DIAPH2: variants seen among roughly 807,000 people sequenced by gnomAD.
DIAPH2 encodes the protein diaphanous related formin 2, also known as protein diaphanous homolog 2.
DIAPH2 carries 35 observed loss-of-function variants against 92.7 expected under a neutral mutation model. That is an observed-to-expected ratio of 0.38 (90% CI 0.29 to 0.50). DIAPH2 has a LOEUF of 0.50. DIAPH2 is among the 20% of genes least tolerant of loss of function. The pLI is 0.94. For synonymous variants in DIAPH2, 301 were observed against 280.4 expected, an observed-to-expected ratio of 1.07 and a Z score of -0.73; for missense variants, 701 against 819.5, an observed-to-expected ratio of 0.86 and a Z score of 1.77.
intron 21 of DIAPH2, among the ~76,000 whole-genome samples, chrX:97,126,315 C>CT (rs2067094223): frequency 1.8e-5 from 2 of 111,737 alleles, no homozygotes; most frequent in Non-Finnish European, 3.8e-5. Context: ...CTAGTGAAGG[C>CT]ATTGCACAAC....
intron 24 of DIAPH2, among the ~76,000 whole-genome samples, chrX:97,360,360 T>C (rs1268015634): frequency 9.1e-6 from 1 of 109,561 alleles, no homozygotes; most frequent in Non-Finnish European, 1.9e-5. Flanking sequence ...ACGCCTGTAA[T>C]CCCAGCACTT....
At chrX:97,154,215 G>A (rs1318922110) in intron 22 of DIAPH2, among the ~76,000 whole-genome samples, 1 of 111,188 alleles carries the variant, frequency 9.0e-6, no homozygotes, top group Non-Finnish European at 1.9e-5. Context: ...TATTAAGCAT[G>A]GTTTTATAGA....
At chrX:96,763,394 C>T (rs1431503442) in intron 4 of DIAPH2, among the ~76,000 whole-genome samples, 3 of 110,821 alleles carry the variant, frequency 2.7e-5, no homozygotes, top group Non-Finnish European at 5.7e-5. Flanking sequence ...CTGTGTCAGT[C>T]TTTATGATTC....
intron 23 of DIAPH2, among the ~76,000 whole-genome samples, chrX:97,282,495 G>A (rs1449307173): frequency 9.0e-6 from 1 of 110,874 alleles, no homozygotes; most frequent in Non-Finnish European, 1.9e-5. Context: ...ATTTTTCATA[G>A]AGATGGGGTT....
chrX:97,495,347 T>A (rs930387694), intron 26 of DIAPH2, among the ~76,000 whole-genome samples: 7 of 112,288 alleles, frequency 6.2e-5, no homozygotes, highest in African/African-American at 2.3e-4. Flanking sequence ...TTTGATGATA[T>A]CAGCAAGCTA....
chrX:97,062,138 C>T (rs150331743), intron 17 of DIAPH2, among the ~76,000 whole-genome samples: 145 of 111,404 alleles, frequency 1.3e-3, no homozygotes, highest in African/African-American at 4.2e-3. Flanking sequence ...TAAAAATTAA[C>T]GGAGTGTACC....
chrX:96,718,906 A>G (rs1439215190), intron 1 of DIAPH2, among the ~76,000 whole-genome samples: 2 of 111,808 alleles, frequency 1.8e-5, no homozygotes, highest in Non-Finnish European at 3.8e-5. Flanking sequence ...CCGACAGTGT[A>G]CGAGGAATCC....
intron 21 of DIAPH2, among the ~76,000 whole-genome samples, chrX:97,137,301 A>ATATATG (rs1555989252): frequency 1.1e-5 from 1 of 93,122 alleles, no homozygotes; most frequent in African/African-American, 3.9e-5. Context: ...ATATATATAT[A>ATATATG]TGTATAGAAT....
In DIAPH2 at chrX:96,962,346, TATATAC is replaced by T. The variant is rs1477458449; in HGVS notation, c.1936-2745_1936-2740del. 5.4e-4 allele frequency among the ~76,000 whole-genome samples: 39 copies of T among 72,341 alleles called. 2 individuals carry two copies. Among genetic ancestry groups the T allele is most frequent in the African/African-American group, 2.0e-3 (37 of 18,278 alleles). 62.8% of individuals were successfully genotyped at this position (72,341 alleles called of 115,157 possible). A position where few individuals can be genotyped will look rare whatever the true frequency, so the allele number is the denominator to read the frequency against. On this transcript the variant is annotated intron_variant, in intron 16 of 26. Coordinates refer to ENST00000324765, the MANE Select transcript of DIAPH2 (RefSeq NM_006729.5). ...ATACACATATATATATACATATATA[TATATAC>T]ACATATATATATACACATATATATA...
chrX:97,376,028 C>T (rs1278328876), intron 24 of DIAPH2, among the ~76,000 whole-genome samples: 4 of 109,310 alleles, frequency 3.7e-5, no homozygotes, highest in Non-Finnish European at 7.6e-5. Context: ...TTTTCCAAAG[C>T]AATTGGACTT....
At chrX:97,106,761 G>A (rs2066944500) in intron 20 of DIAPH2, among the ~76,000 whole-genome samples, 3 of 110,273 alleles carry the variant, frequency 2.7e-5, no homozygotes, top group Admixed American at 9.7e-5. Context: ...GTGAAGCCCC[G>A]TCTCTACTAA....
chrX:97,211,390 T>A (rs1021087087), intron 22 of DIAPH2, among the ~76,000 whole-genome samples: 21 of 111,407 alleles, frequency 1.9e-4, no homozygotes, highest in Admixed American at 8.6e-4. Flanking sequence ...GTATTTGTAT[T>A]TTCCCTTTGG....
intron 21 of DIAPH2, among the ~76,000 whole-genome samples, chrX:97,125,666 C>T (rs1458106019): frequency 9.1e-6 from 1 of 109,960 alleles, no homozygotes; most frequent in East Asian, 2.8e-4. Context: ...AATACAGATA[C>T]ATTTTCAGGA....
intron 25 of DIAPH2, among the ~76,000 whole-genome samples, chrX:97,384,583 G>A (rs941470496): frequency 2.1e-4 from 24 of 111,768 alleles, no homozygotes; most frequent in African/African-American, 2.6e-4. Flanking sequence ...TAAGTTGTTT[G>A]AGGCCGGGCA....
At chrX:97,593,971 A>C (rs1450719074) in intron 26 of DIAPH2, among the ~76,000 whole-genome samples, 1 of 111,506 alleles carries the variant, frequency 9.0e-6, no homozygotes, top group African/African-American at 3.2e-5. Context: ...AGATACACAA[A>C]TTCATATACT....
intron 23 of DIAPH2, among the ~76,000 whole-genome samples, chrX:97,318,412 C>T (rs1470931628): frequency 9.3e-6 from 1 of 107,798 alleles, no homozygotes; most frequent in African/African-American, 3.4e-5. Flanking sequence ...GCTGGGATTA[C>T]AAGCGTGAGC....
chrX:97,466,042 TAG>T (rs2070509624), intron 26 of DIAPH2, among the ~76,000 whole-genome samples: 1 of 111,942 alleles, frequency 8.9e-6, no homozygotes, highest in African/African-American at 3.3e-5. Context: ...GAATTTGAGC[TAG>T]AGAAGAAATT....
At chrX:97,509,059 T>TTAC (rs2070860531) in intron 26 of DIAPH2, among the ~76,000 whole-genome samples, 4 of 51,670 alleles carry the variant, frequency 7.7e-5, no homozygotes, top group Non-Finnish European at 1.8e-4. Context: ...TTATTTATTA[T>TTAC]TTTTTGAGAT....
At chrX:97,296,935 G>A (rs918457439) in intron 23 of DIAPH2, among the ~76,000 whole-genome samples, 2 of 110,057 alleles carry the variant, frequency 1.8e-5, no homozygotes, top group African/African-American at 3.3e-5. Context: ...GCGCCACCAC[G>A]CCCGGCTAAT....
Sources: allele counts gnomAD v4.1 joint callset (sites outside exome capture counted in the v4.1 genomes callset), GRCh38; gene constraint gnomAD v4.1.1; transcripts MANE v1.5; gene names NCBI Gene and HGNC (gene_info 2026-07-23, HGNC 2026-07-21).